Variants in GFOD1 observed in about 807,000 individuals in gnomAD.
The protein encoded by GFOD1 is glucose-fructose oxidoreductase domain-containing protein 1.
A neutral mutation model predicts 25.4 loss-of-function variants in GFOD1; 9 were observed. The ratio of observed to expected loss-of-function variants is 0.35; its 90% CI spans 0.21 to 0.62. The LOEUF (loss-of-function observed/expected upper bound fraction) is 0.62, where lower values mean the gene tolerates loss of function less well. GFOD1 is among the 20% of genes least tolerant of loss of function. GFOD1 has a pLI of 0.72. For synonymous variants in GFOD1, 253 were observed against 245.6 expected (o/e 1.03, Z -0.28); for missense variants, 403 against 556.9 (o/e 0.72, Z 2.78).
intron 1 of GFOD1, among the ~76,000 whole-genome samples, chr6:13,426,842 G>A (rs142095892): frequency 6.6e-6 from 1 of 152,296 alleles, no homozygotes; most frequent in African/African-American, 2.4e-5. Flanking sequence ...TTCTGGCAAC[G>A]GCTGTCAGTG....
chr6:13,460,109 G>A (rs1758266428), intron 1 of GFOD1, among the ~76,000 whole-genome samples: 1 of 152,192 alleles, frequency 6.6e-6, no homozygotes, highest in African/African-American at 2.4e-5. Context: ...ACTCCAGCTT[G>A]GGAGACAATG....
intron 1 of GFOD1, among the ~76,000 whole-genome samples, chr6:13,458,007 T>C (rs928702443): frequency 4.5e-4 from 68 of 152,362 alleles, no homozygotes; most frequent in African/African-American, 1.4e-3. Context: ...AGCTCATGTT[T>C]GAACTAATGA....
At chr6:13,403,893 T>C (rs757673945) in intron 1 of GFOD1, among the ~76,000 whole-genome samples, 1 of 152,198 alleles carries the variant, frequency 6.6e-6, no homozygotes, top group African/African-American at 2.4e-5. Context: ...TGATTACTAA[T>C]GGATATATGG....
chr6:13,387,569 C>G (rs896167804), intron 1 of GFOD1, among the ~76,000 whole-genome samples: 17 of 152,088 alleles, frequency 1.1e-4, no homozygotes, highest in Admixed American at 7.9e-4. Context: ...ATCCAACAGC[C>G]CTTCATGCTA....
At chr6:13,467,434 C>T (rs1043964398) in intron 1 of GFOD1, among the ~76,000 whole-genome samples, 57 of 152,288 alleles carry the variant, frequency 3.7e-4, no homozygotes, top group African/African-American at 1.3e-3. Flanking sequence ...CTTTTGGCTG[C>T]ACACCACCAC....
chr6:13,442,840 T>C (rs1757938349), intron 1 of GFOD1, among the ~76,000 whole-genome samples: 1 of 152,182 alleles, frequency 6.6e-6, no homozygotes, highest in African/African-American at 2.4e-5. Context: ...TCCCAGGAGA[T>C]GAGTGTTGTT....
intron 1 of GFOD1, among the ~76,000 whole-genome samples, chr6:13,429,012 A>G (rs1437228728): frequency 1.3e-5 from 2 of 152,254 alleles, no homozygotes; most frequent in Non-Finnish European, 2.9e-5. Flanking sequence ...CACGTGAGCC[A>G]GCTTGCTAGA....
At chr6:13,432,073 A>G (rs1214339488) in intron 1 of GFOD1, among the ~76,000 whole-genome samples, 1 of 152,176 alleles carries the variant, frequency 6.6e-6, no homozygotes, top group Non-Finnish European at 1.5e-5. Context: ...CAAGTCACAC[A>G]CCACATGGCT....
At chr6:13,449,415 C>T (rs951410219) in intron 1 of GFOD1, among the ~76,000 whole-genome samples, 3 of 152,134 alleles carry the variant, frequency 2.0e-5, no homozygotes, top group Admixed American at 1.3e-4. Flanking sequence ...ATGAAGGGTG[C>T]GAAAACTCTG....
intron 1 of GFOD1, among the ~76,000 whole-genome samples, chr6:13,441,956 G>A (rs1404687534): frequency 6.6e-6 from 1 of 152,150 alleles, no homozygotes; most frequent in South Asian, 2.1e-4. Flanking sequence ...TCATCCCATG[G>A]CCAGACACAC....
intron 1 of GFOD1, among the ~76,000 whole-genome samples, chr6:13,379,101 G>A (rs575789101): frequency 9.2e-5 from 14 of 152,358 alleles, no homozygotes; most frequent in Admixed American, 1.3e-4. Context: ...AATGGTAGAC[G>A]CAGTCTGTGC....
At chr6:13,465,244 T>C (rs1758359621) in intron 1 of GFOD1, among the ~76,000 whole-genome samples, 1 of 152,158 alleles carries the variant, frequency 6.6e-6, no homozygotes. Flanking sequence ...CAAAAAATTT[T>C]CATAATGTTT....
chr6:13,459,460 G>C (rs965207652), intron 1 of GFOD1, among the ~76,000 whole-genome samples: 4 of 151,952 alleles, frequency 2.6e-5, no homozygotes, highest in Non-Finnish European at 4.4e-5. Flanking sequence ...AAGATTTTAT[G>C]ATGAAACTGC....
Position 13,459,359 on chromosome 6 carries a change from A to G in GFOD1, c.253+27279T>C, listed in dbSNP as rs546209654. On this transcript the variant is annotated intron_variant, in intron 1 of 1. Coordinates refer to ENST00000379287, the MANE Select transcript of GFOD1 (RefSeq NM_018988.4). Reference sequence around the variant, plus strand: ...TACACCTTATACAAAAATTAACTCAAGATGGATTAAAGACTTAAATATAAA... The same window carrying G: ...TACACCTTATACAAAAATTAACTCAGGATGGATTAAAGACTTAAATATAAA... Among the ~76,000 whole-genome samples the G allele has an allele frequency of 1.3e-5, 2 of 151,784 alleles. 1 individual carries two copies. The highest frequency in any genetic ancestry group is 3.9e-4 in the East Asian group (2 of 5,172).
intron 1 of GFOD1, among the ~76,000 whole-genome samples, chr6:13,409,475 T>C (rs1786031522): frequency 6.6e-6 from 1 of 152,116 alleles, no homozygotes; most frequent in Non-Finnish European, 1.5e-5. Context: ...GTAACCATCA[T>C]GAGATTAGGG....
intron 1 of GFOD1, among the ~76,000 whole-genome samples, chr6:13,436,727 C>T (rs1468290481): frequency 6.6e-6 from 1 of 152,244 alleles, no homozygotes; most frequent in Admixed American, 6.5e-5. Context: ...TTCACCTTGA[C>T]CGCTATTGCT....
chr6:13,483,825 G>C (rs1157087879), intron 1 of GFOD1, among the ~76,000 whole-genome samples: 1 of 152,158 alleles, frequency 6.6e-6, no homozygotes, highest in African/African-American at 2.4e-5. Context: ...GTAGGTCTAG[G>C]AGCAAAGTGA....
rs539459700 is a variant in GFOD1 at position 13,487,104 on chromosome 6, G to A, written c.-214C>T. On this transcript the variant is annotated 5_prime_UTR_variant, in exon 1 of 2. Coordinates refer to ENST00000379287, the MANE Select transcript of GFOD1 (RefSeq NM_018988.4). This position sits in a 1 kb window ranked among gnomAD's most constrained non-coding sequence, Gnocchi z 4.9. ...GCGCCTCAGAACGGTGACTGCGGCAGTGTCCGCCACGCGGGGCTCGCGTCC... is the reference window on the plus strand; with the variant it reads ...GCGCCTCAGAACGGTGACTGCGGCAATGTCCGCCACGCGGGGCTCGCGTCC... 19 of 537,252 alleles carry A rather than the reference G, an allele frequency of 3.5e-5. No individual in the cohort carries two copies. The East Asian group carries it at 6.3e-4, about 18-fold the overall frequency. The allele number at this position is 537,252 out of a possible 1,614,324, so 33.3% of individuals were successfully genotyped here.
intron 1 of GFOD1, among the ~76,000 whole-genome samples, chr6:13,438,926 A>G (rs1757872732): frequency 6.6e-6 from 1 of 152,230 alleles, no homozygotes. Context: ...GGATTTTATA[A>G]TTAATACTTA....
Sources: gnomAD v4.1 joint callset for allele counts (sites outside exome capture counted in the v4.1 genomes callset) on GRCh38, gnomAD v4.1.1 for gene constraint, Gnocchi (gnomAD v3.1) non-coding constraint, MANE v1.5 for transcripts, NCBI Gene and HGNC (gene_info 2026-07-23, HGNC 2026-07-21) for gene names.